The following ATP2A2 variants were observed in gnomAD, a reference collection of about 807,000 sequenced individuals.
ATP2A2 encodes sarcoplasmic/endoplasmic reticulum calcium ATPase 2.
A neutral mutation model predicts 109.3 loss-of-function variants in ATP2A2; 14 were observed. The observed-to-expected ratio is 0.13, with a 90% confidence interval of 0.08 to 0.20. The LOEUF (loss-of-function observed/expected upper bound fraction) is 0.20, where lower values mean the gene tolerates loss of function less well. ATP2A2 is among the 10% of genes least tolerant of loss of function. ATP2A2 has a pLI of 1.00. For synonymous variants in ATP2A2, 506 were observed against 490.9 expected (o/e 1.03, Z -0.41); for missense variants, 657 against 1,321.6 (o/e 0.50, Z 7.80).
At chr12:110,294,537 C>T (rs373219647) in intron 4 of ATP2A2, among the ~76,000 whole-genome samples, 4 of 151,950 alleles carry the variant, frequency 2.6e-5, no homozygotes, top group African/African-American at 4.8e-5. Context: ...AGCATGCGCC[C>T]CCAGCTACTT....
rs1424694322 is a variant in ATP2A2 at position 110,350,957 on chromosome 12, A to T, written c.*4487A>T. 2 of 153,190 alleles carry T rather than the reference A, an allele frequency of 1.3e-5. No individual in the cohort carries two copies. Among genetic ancestry groups the T allele is most frequent in the Non-Finnish European group, 2.9e-5 (2 of 68,704 alleles). 9.5% of individuals were successfully genotyped at this position (153,190 alleles called of 1,614,324 possible). On this transcript the variant is annotated 3_prime_UTR_variant, in exon 20 of 20. Coordinates refer to ENST00000539276, the MANE Select transcript of ATP2A2 (RefSeq NM_170665.4). ...TATTGTGATGCATTTATCTTAATAAAATGCTAAATGTCAATTTATCACTGC... is the reference window on the plus strand; with the variant it reads ...TATTGTGATGCATTTATCTTAATAATATGCTAAATGTCAATTTATCACTGC...
intron 3 of ATP2A2, among the ~76,000 whole-genome samples, chr12:110,285,008 T>G (rs1020263646): frequency 6.6e-6 from 1 of 152,216 alleles, no homozygotes; most frequent in Non-Finnish European, 1.5e-5. Flanking sequence ...TTATTCCTAT[T>G]GATGTAACAG....
At chr12:110,285,870 A>T (rs1299295864) in intron 3 of ATP2A2, among the ~76,000 whole-genome samples, 2 of 148,330 alleles carry the variant, frequency 1.3e-5, no homozygotes, top group Admixed American at 6.7e-5. Context: ...GACCATTTGC[A>T]TGTGTGTGTC....
At chr12:110,292,158 TAAGTTATG>T in intron 4 of ATP2A2, 34 bp downstream of exon 4, 1 of 1,404,582 alleles carries the variant, frequency 7.1e-7, no homozygotes, top group South Asian at 1.2e-5. Flanking sequence ...AAAATTTCAA[TAAGTTATG>T]TAAGTGATTA....
chr12:110,348,656 A>C lies in ATP2A2; in HGVS notation c.*2186A>C. The C allele has an allele frequency of 6.1e-6, 6 of 985,376 alleles. No homozygotes were observed. The highest frequency in any genetic ancestry group is 7.2e-6 in the Non-Finnish European group (6 of 829,942). 61.0% of individuals were successfully genotyped at this position (985,376 alleles called of 1,614,324 possible). The stretch of plus-strand genomic sequence containing the variant: ...GAGGCCACAGCAGAAGGATTGCTTG[A>C]GCCCAGGTACTCAAACCAGCCTGGG... On this transcript the variant is annotated 3_prime_UTR_variant, in exon 20 of 20. Coordinates refer to ENST00000539276, the MANE Select transcript of ATP2A2 (RefSeq NM_170665.4).
rs929299047 is a variant in ATP2A2 at position 110,282,693 on chromosome 12, C to T, written c.137-20C>T. 6.2e-6 allele frequency: 10 copies of T among 1,613,642 alleles called. No individual in the cohort carries two copies. The African/African-American group carries it at 9.3e-5, about 15-fold the overall frequency. ...TGATGGTAAGATGACAGTTAAAACA[C>T]ATGTGTTTGTTTCTTACAGGAAAAA... On this transcript the variant is annotated intron_variant, in intron 2 of 19. Coordinates refer to ENST00000539276, the MANE Select transcript of ATP2A2 (RefSeq NM_170665.4).
intron 1 of ATP2A2, 139 bp from the exon 2 acceptor site, chr12:110,282,465 C>T (rs1358586923): frequency 9.3e-6 from 11 of 1,177,358 alleles, no homozygotes; most frequent in Non-Finnish European, 1.2e-5. Flanking sequence ...ATTCTTATAG[C>T]TAGGTCTGTG....
At chr12:110,331,032 T>G (rs958437279) in intron 8 of ATP2A2, 1 of 151,998 alleles carries the variant, frequency 6.6e-6, no homozygotes, top group Non-Finnish European at 1.5e-5. Flanking sequence ...TCACCTGAGG[T>G]CAGGAGTTCG....
chr12:110,344,773 C>A, intron 16 of ATP2A2, 113 bp from the exon 17 acceptor site: 1 of 1,039,434 alleles, frequency 9.6e-7, no homozygotes, highest in African/African-American at 1.6e-5. Context: ...CCCCGGTTAC[C>A]ATCACTGTCC....
At chr12:110,315,342 C>G (rs1876553362) in intron 5 of ATP2A2, among the ~76,000 whole-genome samples, 1 of 152,216 alleles carries the variant, frequency 6.6e-6, no homozygotes. Flanking sequence ...GGTTACCTTT[C>G]TACCCCCATA....
chr12:110,332,534 T>C lies in ATP2A2; in HGVS notation c.1096-63T>C. 5.2e-6 allele frequency: 7 copies of C among 1,358,102 alleles called. No homozygotes were observed. In the South Asian group the frequency reaches 8.1e-5, roughly 16 times the overall value. 84.1% of individuals were successfully genotyped at this position (1,358,102 alleles called of 1,614,324 possible). ...CTTTGTCCTAAGCTAACAAAGGTAG[T>C]TTATTTGTGTAGCATTTTTTAAAAA... On this transcript the variant is annotated intron_variant, in intron 8 of 19. Transcript: ENST00000539276.
intron 18 of ATP2A2, chr12:110,345,744 T>C (rs1360322835): frequency 5.1e-6 from 3 of 588,632 alleles, no homozygotes; most frequent in Non-Finnish European, 9.0e-6. Flanking sequence ...ATAGCCCAAG[T>C]CTCCAGGGCA....
intron 11 of ATP2A2, among the ~76,000 whole-genome samples, chr12:110,337,842 A>G (rs1300425336): frequency 1.3e-5 from 2 of 152,252 alleles, no homozygotes; most frequent in African/African-American, 2.4e-5. Context: ...CACAGAGACC[A>G]TGCTAACATA....
intron 3 of ATP2A2, among the ~76,000 whole-genome samples, chr12:110,283,357 C>T (rs1462223832): frequency 6.6e-6 from 1 of 152,052 alleles, no homozygotes; most frequent in African/African-American, 2.4e-5. Context: ...TTAAGTGATT[C>T]TTAGGTTGAA....
intron 5 of ATP2A2, among the ~76,000 whole-genome samples, chr12:110,316,674 G>A (rs1876701257): frequency 6.6e-6 from 1 of 152,174 alleles, no homozygotes; most frequent in South Asian, 2.1e-4. Context: ...GAAGATTCAT[G>A]AAGACCATGC....
At chr12:110,313,883 AT>A (rs113891689) in intron 5 of ATP2A2, among the ~76,000 whole-genome samples, 30 of 132,756 alleles carry the variant, frequency 2.3e-4, no homozygotes, top group South Asian at 9.9e-4. Flanking sequence ...GCTATTTTGT[AT>A]TTTTTTTTTA....
At chr12:110,330,540 T>C (rs542357325) in intron 8 of ATP2A2, 87 of 152,396 alleles carry the variant, frequency 5.7e-4, no homozygotes, top group African/African-American at 2.0e-3. Context: ...AAAGCTTTAA[T>C]TCCTCAGAAT....
At position 110,339,731 on chromosome 12, in the gene ATP2A2, T is replaced by TGG. The variant is rs1879170401; in HGVS notation, c.1761+11_1761+12insGG. 6.2e-7 allele frequency: 1 copy of TGG among 1,612,966 alleles called. No individual in the cohort carries two copies. On this transcript the variant is annotated intron_variant, in intron 13 of 19. Transcript: ENST00000539276. The surrounding 1 kb of genome is among the most constrained non-coding windows in gnomAD (Gnocchi z 4.4). Reference sequence around the variant, plus strand: ...CTTTATTAAATATGAGGTTAGCTAATGAAAAGTTTCTTTGTCCACACCCTG... The same window carrying TGG: ...CTTTATTAAATATGAGGTTAGCTAATGGGAAAAGTTTCTTTGTCCACACCCTG...
In ATP2A2 at chr12:110,340,631, T is replaced by G. The variant is rs1362148429; in HGVS notation, c.1762-28T>G. ...GGGACAAAAACTAGAACTTGCCACTTTTATTTAAAGTGATGCTCTTATTTT... is the reference window on the plus strand; with the variant it reads ...GGGACAAAAACTAGAACTTGCCACTGTTATTTAAAGTGATGCTCTTATTTT... On this transcript the variant is annotated intron_variant, in intron 13 of 19. Transcript: ENST00000539276. This position sits in a 1 kb window ranked among gnomAD's most constrained non-coding sequence, Gnocchi z 6.0. The G allele has an allele frequency of 3.7e-6, 6 of 1,612,942 alleles. No homozygotes were observed. Among genetic ancestry groups the G allele is most frequent in the Middle Eastern group, 3.3e-4 (2 of 6,056 alleles).
Sources: gnomAD v4.1 joint callset for allele counts (sites outside exome capture counted in the v4.1 genomes callset) on GRCh38, gnomAD v4.1.1 for gene constraint, Gnocchi (gnomAD v3.1) non-coding constraint, MANE v1.5 for transcripts, NCBI Gene and HGNC (gene_info 2026-07-23, HGNC 2026-07-21) for gene names.